The following PFKFB3 variants were observed in gnomAD, a reference collection of about 807,000 sequenced individuals.
The protein encoded by PFKFB3 is 6-phosphofructo-2-kinase/fructose-2,6-biphosphatase 3, also known as 6-phosphofructo-2-kinase/fructose-2,6-bisphosphatase 3.
In PFKFB3, 33 loss-of-function variants were observed where a neutral mutation model predicts 68.0. The ratio of observed to expected loss-of-function variants is 0.49; its 90% confidence interval spans 0.37 to 0.65. The LOEUF (loss-of-function observed/expected upper bound fraction) is 0.65. Among genes scored for constraint, PFKFB3 ranks in the 30% least tolerant of loss-of-function variants. PFKFB3 has a pLI of 0.00. For synonymous variants in PFKFB3, 315 were observed against 288.2 expected (o/e 1.09, Z -0.94); for missense variants, 586 against 712.2 (o/e 0.82, Z 2.02).
At chr10:6,291,291 C>T in the PFKFB3 span, among the ~76,000 whole-genome samples, 1 of 152,102 alleles carries the variant, frequency 6.6e-6, no homozygotes, top group Non-Finnish European at 1.5e-5. Flanking sequence ...TCAGGCTGGG[C>T]GTGGTGGCTC....
the PFKFB3 span, among the ~76,000 whole-genome samples, chr10:6,322,413 G>A: frequency 3.9e-5 from 6 of 152,226 alleles, no homozygotes; most frequent in Non-Finnish European, 8.8e-5. Flanking sequence ...TGATAATAGA[G>A]TCCTAAATGG....
the PFKFB3 span, among the ~76,000 whole-genome samples, chr10:6,295,186 G>A: frequency 6.6e-6 from 1 of 152,026 alleles, no homozygotes; most frequent in Non-Finnish European, 1.5e-5. Flanking sequence ...TTTTCCTAGA[G>A]ACTCCTTGAA....
At chr10:6,258,452 A>C (rs561777497), downstream of PFKFB3, among the ~76,000 whole-genome samples, 2 of 152,334 alleles carry the variant, frequency 1.3e-5, no homozygotes, top group Non-Finnish European at 2.9e-5. Flanking sequence ...GGGCCTGAGG[A>C]CCAGACAGGC....
At chr10:6,276,375 A>G in the PFKFB3 span, among the ~76,000 whole-genome samples, 1 of 151,574 alleles carries the variant, frequency 6.6e-6, no homozygotes, top group East Asian at 1.9e-4. Flanking sequence ...GATCTATTTC[A>G]TAAAAGGGCC....
At chr10:6,249,712 C>T (rs931789032) in intron 14 of PFKFB3, among the ~76,000 whole-genome samples, 1 of 151,776 alleles carries the variant, frequency 6.6e-6, no homozygotes, top group Non-Finnish European at 1.5e-5. Flanking sequence ...AGCTGATGGT[C>T]AAAGGGTACA....
At chr10:6,231,819 T>C (rs569101790) in intron 14 of PFKFB3, among the ~76,000 whole-genome samples, 12 of 150,374 alleles carry the variant, frequency 8.0e-5, no homozygotes, top group South Asian at 2.1e-4. Context: ...TATCACCTCC[T>C]GGTGGGCACT....
intron 1 of PFKFB3, among the ~76,000 whole-genome samples, chr10:6,167,283 T>C (rs887728453): frequency 2.0e-5 from 3 of 152,240 alleles, no homozygotes; most frequent in African/African-American, 7.2e-5. Context: ...TACAGTCCTC[T>C]GAGAAGTCGG....
chr10:6,220,105 TTGCC>T lies in PFKFB3; in HGVS notation c.623+416_623+419del, dbSNP rs1232177808. 6.6e-6 allele frequency among the ~76,000 whole-genome samples: 1 copy of T among 152,002 alleles called. No homozygotes were observed. The highest frequency in any genetic ancestry group is 2.4e-5 in the African/African-American group (1 of 41,304). On this transcript the variant is annotated intron_variant, in intron 7 of 14. Transcript: ENST00000379775. This position sits in a 1 kb window ranked among gnomAD's most constrained non-coding sequence, Gnocchi z 4.1. ...TTTATTTATTTACTTACTTACTTGC[TTGCC>T]TGCTTGCTTAGAGACAGGGTCTCCC...
At chr10:6,249,200 A>G (rs1280068726) in intron 14 of PFKFB3, among the ~76,000 whole-genome samples, 2 of 147,944 alleles carry the variant, frequency 1.4e-5, no homozygotes, top group East Asian at 2.7e-4. Context: ...AAAAAAAAAA[A>G]AAAGAAAAGA....
chr10:6,314,617 A>G, the PFKFB3 span, among the ~76,000 whole-genome samples: 1 of 152,204 alleles, frequency 6.6e-6, no homozygotes, highest in African/African-American at 2.4e-5. Flanking sequence ...TGGACATTTA[A>G]GTTGGTTTTA....
the PFKFB3 span, among the ~76,000 whole-genome samples, chr10:6,315,885 G>T: frequency 6.6e-6 from 1 of 152,196 alleles, no homozygotes; most frequent in Non-Finnish European, 1.5e-5. Flanking sequence ...GGCTCATAAT[G>T]TCAGGCTGTT....
chr10:6,199,747 C>T (rs557455419), upstream of PFKFB3, among the ~76,000 whole-genome samples: 20 of 142,718 alleles, frequency 1.4e-4, no homozygotes, highest in South Asian at 1.1e-3. Flanking sequence ...GCAATCCGTC[C>T]GCCTGAGCCA....
chr10:6,145,686 A>T (rs554781812), intron 1 of PFKFB3, among the ~76,000 whole-genome samples: 122 of 152,290 alleles, frequency 8.0e-4, no homozygotes, highest in Admixed American at 1.7e-3. Context: ...CTCCTGGGCA[A>T]AACCGACAGA....
the PFKFB3 span, among the ~76,000 whole-genome samples, chr10:6,281,815 T>C: frequency 0.54 from 82,337 of 151,514 alleles, 25,240 homozygotes; most frequent in Non-Finnish European, 0.71. Flanking sequence ...GGCTTCACTT[T>C]AGTAAGAAGG....
intron 1 of PFKFB3, among the ~76,000 whole-genome samples, chr10:6,212,926 C>T (rs1326847647): frequency 6.6e-6 from 1 of 152,184 alleles, no homozygotes; most frequent in Non-Finnish European, 1.5e-5. Context: ...GCCCCAGCCC[C>T]TGCCCCTCTG....
At chr10:6,276,632 A>C in the PFKFB3 span, among the ~76,000 whole-genome samples, 1 of 125,086 alleles carries the variant, frequency 8.0e-6, no homozygotes, top group Non-Finnish European at 1.7e-5. Flanking sequence ...AATAAAGGAA[A>C]AAACTTGAGG....
chr10:6,146,551 C>T, intron 1 of PFKFB3: 1 of 1,473,662 alleles, frequency 6.8e-7, no homozygotes, highest in Non-Finnish European at 9.1e-7. Flanking sequence ...CAGAGTGTCC[C>T]TCCCCCCCTA....
intron 1 of PFKFB3, among the ~76,000 whole-genome samples, chr10:6,210,660 A>G (rs7895104): frequency 0.43 from 24 of 56 alleles, 1 homozygote; most frequent in African/African-American, 0.5. Flanking sequence ...GGGTTTCGCC[A>G]TGTTAGCCAG....
chr10:6,208,505 T>C (rs1049403974), intron 1 of PFKFB3, among the ~76,000 whole-genome samples: 8 of 150,946 alleles, frequency 5.3e-5, no homozygotes, highest in Admixed American at 3.3e-4. Flanking sequence ...CAAATACGGA[T>C]AGAAAGACTT....
Sources: gnomAD v4.1 joint callset for allele counts (sites outside exome capture counted in the v4.1 genomes callset) on GRCh38, gnomAD v4.1.1 for gene constraint, Gnocchi (gnomAD v3.1) non-coding constraint, MANE v1.5 for transcripts, NCBI Gene and HGNC (gene_info 2026-07-23, HGNC 2026-07-21) for gene names.